Variants in ELAPOR1 observed in about 807,000 individuals in gnomAD.
ELAPOR1 encodes endosome-lysosome associated apoptosis and autophagy regulator 1, also known as endosome/lysosome-associated apoptosis and autophagy regulator 1.
In ELAPOR1, 77 loss-of-function variants were observed where a neutral mutation model predicts 119.7. The ratio of observed to expected loss-of-function variants is 0.64; its 90% confidence interval spans 0.54 to 0.78. The LOEUF is 0.78. Among genes scored for constraint, ELAPOR1 ranks in the 30% least tolerant of loss-of-function variants. ELAPOR1 has a pLI of 0.00. For missense variants in ELAPOR1, 1,115 were observed against 1,270.4 expected (o/e 0.88, Z 1.86); for synonymous variants, 481 against 487.2 (o/e 0.99, Z 0.17).
rs766329117 is a variant in ELAPOR1 at position 109,200,144 on chromosome 1, T to A, written c.2714T>A (p.Ile905Lys). ...CAGAGAGTCACCATCTGCAAAACCATAGATTTCTGGCTGAAAGTGGGCATC... is the reference window on the plus strand; with the variant it reads ...CAGAGAGTCACCATCTGCAAAACCAAAGATTTCTGGCTGAAAGTGGGCATC... ...PEQRVTICKT[I>K]DFWLKVGISA... is the part of the protein sequence containing the mutation. Residue 905 changes from isoleucine (I) to lysine (K), a missense_variant, in exon 20 of 22, where the codon ATA (isoleucine) becomes AAA (lysine). Transcript: ENST00000369939. 1.2e-6 allele frequency: 2 copies of A among 1,614,078 alleles called. No individual in the cohort carries two copies. Among genetic ancestry groups the A allele is most frequent in the Non-Finnish European group, 1.7e-6 (2 of 1,180,046 alleles).
chr1:109,150,542 G>A (rs1176775721), intron 1 of ELAPOR1, among the ~76,000 whole-genome samples: 1 of 152,140 alleles, frequency 6.6e-6, no homozygotes, highest in Admixed American at 6.6e-5. Context: ...AACTAATTAC[G>A]TGGGATGACT....
At chr1:109,154,154 G>C (rs1034059235) in intron 1 of ELAPOR1, among the ~76,000 whole-genome samples, 4 of 151,676 alleles carry the variant, frequency 2.6e-5, no homozygotes, top group African/African-American at 9.7e-5. Context: ...GGTGGTGCAT[G>C]CCTGTAATCC....
At chr1:109,144,061 A>ATATATATATTTTTTTTTTTTTTTTT in intron 1 of ELAPOR1, among the ~76,000 whole-genome samples, 7 of 88,992 alleles carry the variant, frequency 7.9e-5, no homozygotes, top group South Asian at 3.5e-4. Flanking sequence ...ATATTTATAT[A>ATATATATATTTTTTTTTTTTTTTTT]TTTTTTTTTT....
At chr1:109,172,753 G>A (rs1363403628) in intron 5 of ELAPOR1, among the ~76,000 whole-genome samples, 185 bp downstream of exon 5, 1 of 152,192 alleles carries the variant, frequency 6.6e-6, no homozygotes, top group Admixed American at 6.5e-5. Context: ...GAGCTGACTT[G>A]TAGCTTCTAT....
At chr1:109,177,300 C>A (rs917237910) in intron 7 of ELAPOR1, among the ~76,000 whole-genome samples, 1 of 143,064 alleles carries the variant, frequency 7.0e-6, no homozygotes, top group East Asian at 2.1e-4. Context: ...ACTTCCCAGA[C>A]GGGGTGGCTG....
intron 1 of ELAPOR1, among the ~76,000 whole-genome samples, chr1:109,135,875 G>A (rs570745576): frequency 4.4e-4 from 67 of 152,328 alleles, no homozygotes; most frequent in Middle Eastern, 3.4e-3. Flanking sequence ...TGATGTCAAG[G>A]ATCTCTGGGT....
intron 2 of ELAPOR1, among the ~76,000 whole-genome samples, 153 bp downstream of exon 2, chr1:109,162,167 T>A (rs1235789243): frequency 6.6e-6 from 1 of 152,222 alleles, no homozygotes. Context: ...CAGACCCTTA[T>A]GAGATTTGGT....
At chr1:109,133,039 G>A (rs551629840) in intron 1 of ELAPOR1, among the ~76,000 whole-genome samples, 29 of 152,186 alleles carry the variant, frequency 1.9e-4, no homozygotes, top group South Asian at 1.9e-3. Flanking sequence ...AGACCAGCCC[G>A]GGCAACATGG....
intron 1 of ELAPOR1, among the ~76,000 whole-genome samples, chr1:109,146,763 G>A (rs1333516959): frequency 6.6e-6 from 1 of 152,086 alleles, no homozygotes; most frequent in Non-Finnish European, 1.5e-5. Context: ...TTTAGAGATG[G>A]GGGTCTCACT....
At chr1:109,170,023 G>A (rs1651832145) in intron 3 of ELAPOR1, among the ~76,000 whole-genome samples, 1 of 152,216 alleles carries the variant, frequency 6.6e-6, no homozygotes, top group Non-Finnish European at 1.5e-5. Context: ...AGCTGGATGT[G>A]TGAATATGGA....
In ELAPOR1 at chr1:109,205,571, C is replaced by T. The variant is rs1654436985; in HGVS notation, c.*2559C>T. The stretch of plus-strand genomic sequence containing the variant: ...CCCCAGTGTGGATGCAGATACGCAG[C>T]TCCTGAGCTCCAGCCTAAAGTCTTC... On this transcript the variant is annotated 3_prime_UTR_variant, in exon 22 of 22. Coordinates refer to ENST00000369939, the MANE Select transcript of ELAPOR1 (RefSeq NM_020775.5). 1 of 152,246 alleles carries T rather than the reference C, an allele frequency of 6.6e-6. No homozygotes were observed. 9.4% of individuals were successfully genotyped at this position (152,246 alleles called of 1,614,324 possible).
At chr1:109,187,000 T>A (rs1653093120) in intron 8 of ELAPOR1, 1 of 985,594 alleles carries the variant, frequency 1.0e-6, no homozygotes, top group Non-Finnish European at 1.2e-6. Context: ...TGAACATGCA[T>A]TCCCCAGCTG....
chr1:109,191,530 C>T, intron 12 of ELAPOR1, 59 bp downstream of exon 12: 3 of 1,489,282 alleles, frequency 2.0e-6, no homozygotes, highest in South Asian at 2.3e-5. Context: ...GCCCCATCTG[C>T]CCCATTGGTG....
chr1:109,192,952 G>A lies in ELAPOR1; in HGVS notation c.1947+78G>A. On this transcript the variant is annotated intron_variant, in intron 14 of 21. Transcript: ENST00000369939. Reference sequence around the variant, plus strand: ...CAGAAGATGCTGGGTCCTGGGTAGGGTTCTTGAGAGGCTGATACCCGAGTG... The same window carrying A: ...CAGAAGATGCTGGGTCCTGGGTAGGATTCTTGAGAGGCTGATACCCGAGTG... The A allele has an allele frequency of 1.3e-6, 2 of 1,500,674 alleles. 1 individual carries two copies. Among genetic ancestry groups the A allele is most frequent in the African/African-American group, 2.8e-5 (2 of 72,076 alleles). 93.0% of individuals were successfully genotyped at this position (1,500,674 alleles called of 1,614,324 possible). A position where few individuals can be genotyped will look rare whatever the true frequency, so the allele number is the denominator to read the frequency against.
Position 109,138,834 on chromosome 1 carries a change from C to CAAAAAAAAAAAAAAAAA in ELAPOR1, c.154-23059_154-23043dup, listed in dbSNP as rs150398954. On this transcript the variant is annotated intron_variant, in intron 1 of 21. Transcript: ENST00000369939. ...GGGCAACAAGAGTGAAACTCCATCT[C>CAAAAAAAAAAAAAAAAA]AAAAAAAAAAAAAAAAAGAATCTTC... is the stretch of plus-strand genomic sequence containing the variant. 5.2e-3 allele frequency among the ~76,000 whole-genome samples: 557 copies of CAAAAAAAAAAAAAAAAA among 107,180 alleles called. 18 individuals carry two copies. Among genetic ancestry groups the CAAAAAAAAAAAAAAAAA allele is most frequent in the Non-Finnish European group, 7.9e-3 (435 of 54,960 alleles). 70.3% of individuals were successfully genotyped at this position (107,180 alleles called of 152,430 possible).
chr1:109,151,542 G>C (rs902300716), intron 1 of ELAPOR1, among the ~76,000 whole-genome samples: 1 of 152,196 alleles, frequency 6.6e-6, no homozygotes, highest in Non-Finnish European at 1.5e-5. Context: ...CAAAACACCC[G>C]CAAGGGCTGG....
chr1:109,155,199 C>T (rs925659269), intron 1 of ELAPOR1, among the ~76,000 whole-genome samples: 8 of 152,006 alleles, frequency 5.3e-5, no homozygotes, highest in South Asian at 2.1e-4. Context: ...TTTTTTGAGA[C>T]GGAGGCTCAC....
Position 109,132,436 on chromosome 1 carries a change from G to A in ELAPOR1, c.153+18100G>A, listed in dbSNP as rs192299810. Among the ~76,000 whole-genome samples the A allele has an allele frequency of 1.7e-3, 265 of 152,224 alleles. 1 individual carries two copies. Among genetic ancestry groups the A allele is most frequent in the African/African-American group, 5.9e-3 (243 of 41,530 alleles). On this transcript the variant is annotated intron_variant, in intron 1 of 21. Transcript: ENST00000369939. ...GCTGGGACTACAGCTGTGGGCTACC[G>A]CACCCAGCCTGCCAGGCATTATTTA...
At position 109,165,704 on chromosome 1, in the gene ELAPOR1, C is replaced by G. The variant is rs146088858; in HGVS notation, c.467+1013C>G. On this transcript the variant is annotated intron_variant, in intron 3 of 21. Transcript: ENST00000369939. ...CTTGACTGGAACACAATATGCAAAG[C>G]TTGGGTATCTTCCCGGCTTGGGTGC... Among the ~76,000 whole-genome samples the G allele has an allele frequency of 6.5e-3, 984 of 151,570 alleles. 11 individuals are homozygous for G. Among genetic ancestry groups the G allele is most frequent in the African/African-American group, 0.023 (938 of 41,352 alleles).
Sources: allele counts gnomAD v4.1 joint callset (sites outside exome capture counted in the v4.1 genomes callset), GRCh38; gene constraint gnomAD v4.1.1; transcripts MANE v1.5; gene names NCBI Gene and HGNC (gene_info 2026-07-23, HGNC 2026-07-21).